Variants in SPAG9 observed in about 807,000 individuals in gnomAD.
The protein encoded by SPAG9 is sperm associated antigen 9.
Under a neutral mutation model 166.5 loss-of-function variants are expected in SPAG9, and 35 were observed. The ratio of observed to expected loss-of-function variants is 0.21; its 90% CI spans 0.16 to 0.28. The LOEUF (loss-of-function observed/expected upper bound fraction) is 0.28. SPAG9 is among the 10% of genes least tolerant of loss of function. SPAG9 has a pLI of 1.00. For missense variants in SPAG9, 1,235 were observed against 1,603.3 expected (o/e 0.77, Z 3.92); for synonymous variants, 534 against 565.5 (o/e 0.94, Z 0.79).
intron 1 of SPAG9, among the ~76,000 whole-genome samples, chr17:51,109,325 C>T (rs1314898904): frequency 7.2e-5 from 11 of 152,154 alleles, no homozygotes; most frequent in Non-Finnish European, 1.6e-4. Flanking sequence ...CAACCTCCAC[C>T]TCCCAGGTTC....
chr17:51,096,786 T>C (rs781035545), intron 1 of SPAG9, among the ~76,000 whole-genome samples: 2 of 152,176 alleles, frequency 1.3e-5, no homozygotes, highest in Non-Finnish European at 2.9e-5. Context: ...CAAGATTATA[T>C]AAGAATGTAA....
At chr17:51,111,910 G>T (rs1349889994) in intron 1 of SPAG9, among the ~76,000 whole-genome samples, 3 of 151,868 alleles carry the variant, frequency 2.0e-5, no homozygotes, top group African/African-American at 4.8e-5. Flanking sequence ...GCGTTCTTTT[G>T]TGATTTTTAA....
In SPAG9 at chr17:50,977,296, T is replaced by C. The variant is rs1379231872; in HGVS notation, c.3410-75A>G. 3 of 899,906 alleles carry C rather than the reference T, an allele frequency of 3.3e-6. No individual in the cohort carries two copies. In the African/African-American group the frequency reaches 5.1e-5, roughly 15 times the overall value. 55.7% of individuals were successfully genotyped at this position (899,906 alleles called of 1,614,324 possible). A position where few individuals can be genotyped will look rare whatever the true frequency, so the allele number is the denominator to read the frequency against. On this transcript the variant is annotated intron_variant, in intron 26 of 29. Transcript: ENST00000262013. Reference sequence around the variant, plus strand: ...TTTTACATTCCAAGTTCCTTAGAAGTAGCAGGATTACAAAACAAAAAAAAA... The same window carrying C: ...TTTTACATTCCAAGTTCCTTAGAAGCAGCAGGATTACAAAACAAAAAAAAA...
Position 50,966,194 on chromosome 17 carries a change from G to C in SPAG9, c.*78C>G, listed in dbSNP as rs1027654236. 11 of 879,728 alleles carry C rather than the reference G, an allele frequency of 1.3e-5. No homozygotes were observed. Among genetic ancestry groups the C allele is most frequent in the Non-Finnish European group, 2.1e-5 (11 of 516,988 alleles). The allele number at this position is 879,728 out of a possible 1,614,324, so 54.5% of individuals were successfully genotyped here. On this transcript the variant is annotated 3_prime_UTR_variant, in exon 30 of 30. Coordinates refer to ENST00000262013, the MANE Select transcript of SPAG9 (RefSeq NM_001130528.3). ...GTGGTGAAACTTATCTCACAAAAGA[G>C]CATTAAATAAAAGGATAGAGGGAAA...
At chr17:51,083,129 G>C (rs2048212329) in intron 1 of SPAG9, among the ~76,000 whole-genome samples, 1 of 152,056 alleles carries the variant, frequency 6.6e-6, no homozygotes, top group Admixed American at 6.6e-5. Context: ...TTTGTACCCA[G>C]GATTCCTGGA....
intron 2 of SPAG9, among the ~76,000 whole-genome samples, chr17:51,069,357 C>A (rs2047756430): frequency 6.6e-6 from 1 of 152,010 alleles, no homozygotes; most frequent in South Asian, 2.1e-4. Flanking sequence ...ACATTCATTG[C>A]TAATCACAAA....
intron 1 of SPAG9, among the ~76,000 whole-genome samples, chr17:51,115,050 C>T (rs1353160557): frequency 6.6e-6 from 1 of 152,118 alleles, no homozygotes; most frequent in Non-Finnish European, 1.5e-5. Flanking sequence ...GTCCCATGTT[C>T]ATACACTTCC....
intron 1 of SPAG9, among the ~76,000 whole-genome samples, chr17:51,093,588 G>A (rs2048528876): frequency 1.3e-5 from 2 of 151,620 alleles, no homozygotes; most frequent in South Asian, 4.2e-4. Flanking sequence ...CCTGCTACTC[G>A]GGAGGCTGAG....
intron 3 of SPAG9, among the ~76,000 whole-genome samples, chr17:51,049,841 ACC>A (rs2047133398): frequency 6.6e-6 from 1 of 152,076 alleles, no homozygotes; most frequent in African/African-American, 2.4e-5. Flanking sequence ...CAAGTGATCC[ACC>A]CGCCTTGGCC....
At chr17:50,978,794 A>G (rs1974371754) in intron 26 of SPAG9, among the ~76,000 whole-genome samples, 2 of 152,116 alleles carry the variant, frequency 1.3e-5, no homozygotes, top group African/African-American at 2.4e-5. Context: ...ATGAGCAAGG[A>G]GAGTGTTTGA....
chr17:51,026,674 C>CTTTTT (rs35339612), intron 6 of SPAG9, among the ~76,000 whole-genome samples: 19 of 124,182 alleles, frequency 1.5e-4, no homozygotes, highest in Non-Finnish European at 2.2e-4. Flanking sequence ...TTTTTCTTTT[C>CTTTTT]TTTTTTTTTT....
At chr17:50,988,088 T>C (rs1160608131) in intron 21 of SPAG9, among the ~76,000 whole-genome samples, 1 of 152,140 alleles carries the variant, frequency 6.6e-6, no homozygotes, top group Admixed American at 6.6e-5. Flanking sequence ...TGGCAGCACA[T>C]GCCTTCAATC....
rs187810876 is a variant in SPAG9 at position 51,070,839 on chromosome 17, T to C, written c.424+8745A>G. Reference sequence around the variant, plus strand: ...AAATAATTCTCATTAGAGGAAAAAATAAAGCATAGTCCTCAGGGAAAACAA... The same window carrying C: ...AAATAATTCTCATTAGAGGAAAAAACAAAGCATAGTCCTCAGGGAAAACAA... On this transcript the variant is annotated intron_variant, in intron 2 of 29. Coordinates refer to ENST00000262013, the MANE Select transcript of SPAG9 (RefSeq NM_001130528.3). 2.8e-3 allele frequency among the ~76,000 whole-genome samples: 423 copies of C among 152,104 alleles called. 3 individuals are homozygous for C. The highest frequency in any genetic ancestry group is 5.1e-3 in the Non-Finnish European group (350 of 67,988).
intron 9 of SPAG9, among the ~76,000 whole-genome samples, chr17:51,008,690 C>T (rs2045328828): frequency 1.3e-5 from 2 of 151,980 alleles, no homozygotes; most frequent in Admixed American, 1.3e-4. Context: ...GGTACTTACA[C>T]CAGAAAGAAT....
At chr17:51,032,858 C>CAGG (rs1484850062) in intron 5 of SPAG9, among the ~76,000 whole-genome samples, 2 of 151,926 alleles carry the variant, frequency 1.3e-5, no homozygotes, top group East Asian at 1.9e-4. Context: ...CGCTTGAACC[C>CAGG]AGGAGGAGGA....
At chr17:51,077,021 T>TCTAGCTAGCTATCTAGCTAGCTATCTAG (rs1249662126) in intron 2 of SPAG9, among the ~76,000 whole-genome samples, 3 of 76,122 alleles carry the variant, frequency 3.9e-5, no homozygotes, top group African/African-American at 1.3e-4. Context: ...TAGCTAGCTA[T>TCTAGCTAGCTATCTAGCTAGCTATCTAG]CTAGCTATCT....
In SPAG9 at chr17:51,095,938, G is replaced by GATATATAT. The variant is rs1490497206; in HGVS notation, c.304-16235_304-16234insATATATAT. On this transcript the variant is annotated intron_variant, in intron 1 of 29. Transcript: ENST00000262013. The stretch of plus-strand genomic sequence containing the variant: ...ATATATATATAGTGATATATATAGT[G>GATATATAT]ATATAGTTATATATATAGTGATATA... Among the ~76,000 whole-genome samples the GATATATAT allele has an allele frequency of 5.8e-4, 70 of 121,582 alleles. 3 individuals are homozygous for GATATATAT. The highest frequency in any genetic ancestry group is 2.2e-3 in the African/African-American group (64 of 28,986). 79.8% of individuals were successfully genotyped at this position (121,582 alleles called of 152,430 possible). A position where few individuals can be genotyped will look rare whatever the true frequency, so the allele number is the denominator to read the frequency against.
intron 1 of SPAG9, among the ~76,000 whole-genome samples, chr17:51,102,077 T>G (rs1172866809): frequency 6.6e-6 from 1 of 152,098 alleles, no homozygotes; most frequent in Non-Finnish European, 1.5e-5. Context: ...TACTGCTGAA[T>G]CCTGATTAGA....
chr17:51,024,019 G>A (rs574559205), intron 6 of SPAG9, among the ~76,000 whole-genome samples: 4 of 152,232 alleles, frequency 2.6e-5, no homozygotes, highest in Admixed American at 2.6e-4. Flanking sequence ...TTAGCAGCCA[G>A]GCTCGGTGGC....
Sources: gnomAD v4.1 joint callset for allele counts (sites outside exome capture counted in the v4.1 genomes callset) on GRCh38, gnomAD v4.1.1 for gene constraint, MANE v1.5 for transcripts, NCBI Gene and HGNC (gene_info 2026-07-23, HGNC 2026-07-21) for gene names.